ZNF827: variants seen among roughly 807,000 people sequenced by gnomAD.
ZNF827 encodes zinc finger protein 827.
A neutral mutation model predicts 102.4 loss-of-function variants in ZNF827; 13 were observed. That is an observed-to-expected ratio of 0.13 (90% CI 0.08 to 0.20). The LOEUF is 0.20. ZNF827 is among the 10% of genes least tolerant of loss of function. The pLI is 1.00. For missense variants in ZNF827, 1,103 were observed against 1,344.4 expected, an observed-to-expected ratio of 0.82 and a Z score of 2.81; for synonymous variants, 523 against 536.2, an observed-to-expected ratio of 0.98 and a Z score of 0.34.
intron 7 of ZNF827, among the ~76,000 whole-genome samples, chr4:145,835,469 C>G (rs1175630140): frequency 1.3e-5 from 2 of 150,008 alleles, no homozygotes; most frequent in African/African-American, 5.0e-5. Flanking sequence ...TTTAAGCACT[C>G]CTTTTTAGTT....
chr4:145,930,427 C>T (rs1244050823), intron 1 of ZNF827, among the ~76,000 whole-genome samples: 3 of 152,108 alleles, frequency 2.0e-5, no homozygotes, highest in Non-Finnish European at 4.4e-5. Flanking sequence ...ACCACTTTTC[C>T]GACCCATGTA....
At chr4:145,936,916 G>T (rs973337197) in intron 1 of ZNF827, among the ~76,000 whole-genome samples, 6 of 151,914 alleles carry the variant, frequency 3.9e-5, no homozygotes, top group Admixed American at 3.3e-4. Context: ...GGAGTAGTGT[G>T]GGGGGAGAGA....
intron 8 of ZNF827, among the ~76,000 whole-genome samples, chr4:145,780,192 AAAACAAAC>A (rs143206937): frequency 2.7e-4 from 41 of 151,250 alleles, no homozygotes; most frequent in East Asian, 1.2e-3. Context: ...CGCTGTCTCA[AAAACAAAC>A]AAACAAACAA....
At position 145,823,475 on chromosome 4, in the gene ZNF827, G is replaced by A. The variant is rs748136404; in HGVS notation, c.2330C>T (p.Ser777Leu). 4 of 1,594,776 alleles carry A rather than the reference G, an allele frequency of 2.5e-6. No homozygotes were observed. The highest frequency in any genetic ancestry group is 3.4e-6 in the Non-Finnish European group (4 of 1,168,546). ...TFRQSPFTSN[S>L]KELLPSDSVL... ...GGAGTCACTGGGCAGCAGTTCTTTT[G>A]AATTGGAGGTGAATGGTGATTGTCT... The change falls in exon 8 of 15, where the codon TCA becomes TTA. Residue 777 changes from serine (S) to leucine (L), a missense_variant. Ser to Leu is a moderately radical substitution (Grantham distance 145). This residue lies in a region of ZNF827 where 243 missense variants were observed against 251.6 expected (regional missense o/e 0.97). Coordinates refer to ENST00000508784, the MANE Select transcript of ZNF827 (RefSeq NM_001306215.2).
At chr4:145,912,428 T>C (rs948887925) in intron 1 of ZNF827, among the ~76,000 whole-genome samples, 1 of 152,228 alleles carries the variant, frequency 6.6e-6, no homozygotes, top group African/African-American at 2.4e-5. Context: ...TAAACTGAGA[T>C]AAAAATCACC....
Position 145,774,514 on chromosome 4 carries a change from T to C in ZNF827, c.2852A>G (p.Lys951Arg), listed in dbSNP as rs373425855. The C allele has an allele frequency of 4.3e-6, 7 of 1,610,496 alleles. No homozygotes were observed. Among genetic ancestry groups the C allele is most frequent in the South Asian group, 1.1e-5 (1 of 90,108 alleles). Reference protein sequence around the residue: ...EAEIKTHIGTKHTGEDRKTPS... With the variant: ...EAEIKTHIGTRHTGEDRKTPS... ...CAGACAGGAATGGTCACCTGTGTGCTTGGTGCCAATGTGAGTCTTTATCTC... is the reference window on the plus strand; with the variant it reads ...CAGACAGGAATGGTCACCTGTGTGCCTGGTGCCAATGTGAGTCTTTATCTC... Residue 951 changes from lysine (K) to arginine (R), a missense_variant, in exon 11 of 15, where the codon AAG (lysine) becomes AGG (arginine). By Grantham distance (26) the Lys-to-Arg change is conservative. Transcript: ENST00000508784.
chr4:145,811,536 G>A (rs557265825), intron 8 of ZNF827, among the ~76,000 whole-genome samples: 1 of 152,322 alleles, frequency 6.6e-6, no homozygotes, highest in South Asian at 2.1e-4. Context: ...TGTGCAGCTT[G>A]ACAGCTGTAG....
chr4:145,838,094 T>A (rs1745054894), intron 7 of ZNF827, among the ~76,000 whole-genome samples: 1 of 152,228 alleles, frequency 6.6e-6, no homozygotes, highest in African/African-American at 2.4e-5. Flanking sequence ...TCACATCCCC[T>A]GTGACTTGCA....
At chr4:145,781,465 T>G (rs1738047478) in intron 8 of ZNF827, among the ~76,000 whole-genome samples, 1 of 152,150 alleles carries the variant, frequency 6.6e-6, no homozygotes, top group Non-Finnish European at 1.5e-5. Context: ...TGCAATAATG[T>G]TCGCTGTGAG....
Position 145,849,438 on chromosome 4 carries a change from C to T in ZNF827, c.2105G>A (p.Arg702Gln), listed in dbSNP as rs775752510. 2.8e-5 allele frequency: 45 copies of T among 1,614,026 alleles called. No homozygotes were observed. The highest frequency in any genetic ancestry group is 9.9e-5 in the South Asian group (9 of 91,080). Residue 702 changes from arginine (R) to glutamine (Q), a missense_variant, in exon 6 of 15, where the codon CGA becomes CAA. By Grantham distance (43) the Arg-to-Gln change is conservative. Around this residue, in one of 5 missense-constraint regions of ZNF827, gnomAD observed 243 missense variants for 251.6 expected, o/e 0.97. Transcript: ENST00000508784. ...RNVGYSTLIGREKTEPLQKMP... is the reference protein window; with the variant it reads ...RNVGYSTLIGQEKTEPLQKMP... ...CTTCTGTAAGGGTTCGGTTTTCTCT[C>T]GCCCGATTAAAGTGCTGTAGCCAAC...
At chr4:145,803,764 A>G (rs931550636) in intron 8 of ZNF827, among the ~76,000 whole-genome samples, 1 of 152,212 alleles carries the variant, frequency 6.6e-6, no homozygotes, top group Non-Finnish European at 1.5e-5. Flanking sequence ...ATGATTTCCC[A>G]AAGGCCAATC....
Position 145,845,821 on chromosome 4 carries a change from T to C in ZNF827, c.2279+135A>G, listed in dbSNP as rs1560990802. On this transcript the variant is annotated intron_variant, in intron 7 of 14. Coordinates refer to ENST00000508784, the MANE Select transcript of ZNF827 (RefSeq NM_001306215.2). ...GTTTCTACCAACCAAGAAATTCTGG[T>C]AGAACATGGTGGTAAAGGGTGTGAC... 2.9e-5 allele frequency: 23 copies of C among 793,722 alleles called. No homozygotes were observed. The South Asian group carries it at 3.5e-4, about 12-fold the overall frequency. The allele number at this position is 793,722 out of a possible 1,614,324, so 49.2% of individuals were successfully genotyped here.
chr4:145,868,624 G>A (rs753318957), intron 5 of ZNF827, among the ~76,000 whole-genome samples: 47 of 152,280 alleles, frequency 3.1e-4, no homozygotes, highest in Non-Finnish European at 6.3e-4. Flanking sequence ...CCACACTTGT[G>A]TCTCAAATCT....
At chr4:145,812,346 AC>A (rs1285010503) in intron 8 of ZNF827, among the ~76,000 whole-genome samples, 1 of 151,996 alleles carries the variant, frequency 6.6e-6, no homozygotes, top group Non-Finnish European at 1.5e-5. Context: ...CTCACATCAA[AC>A]CATCTAAAGT....
chr4:145,810,991 C>T (rs1043921458), intron 8 of ZNF827, among the ~76,000 whole-genome samples: 7 of 138,780 alleles, frequency 5.0e-5, no homozygotes, highest in Non-Finnish European at 6.2e-5. Flanking sequence ...GAACTCATTT[C>T]GCTTTTTTTT....
At chr4:145,867,233 T>C (rs191199762) in intron 5 of ZNF827, among the ~76,000 whole-genome samples, 34 of 152,274 alleles carry the variant, frequency 2.2e-4, no homozygotes, top group Non-Finnish European at 4.7e-4. Flanking sequence ...AATTAACAAC[T>C]GGAAATAGAA....
At chr4:145,802,740 T>G (rs968684279) in intron 8 of ZNF827, among the ~76,000 whole-genome samples, 11 of 152,194 alleles carry the variant, frequency 7.2e-5, no homozygotes, top group Non-Finnish European at 4.4e-5. Flanking sequence ...GGAGAATAGC[T>G]TGAGCCCAGG....
chr4:145,817,849 C>T (rs1187085014), intron 8 of ZNF827, among the ~76,000 whole-genome samples: 1 of 152,260 alleles, frequency 6.6e-6, no homozygotes, highest in East Asian at 1.9e-4. Flanking sequence ...CAGATCATCA[C>T]TAAACTCAGC....
intron 3 of ZNF827, among the ~76,000 whole-genome samples, chr4:145,887,817 G>A (rs981069272): frequency 2.6e-5 from 4 of 152,168 alleles, no homozygotes; most frequent in Admixed American, 6.5e-5. Context: ...GACCCTGACC[G>A]GTGCTGCCAA....
Sources: allele counts gnomAD v4.1 joint callset (sites outside exome capture counted in the v4.1 genomes callset), GRCh38; gene constraint gnomAD v4.1.1; regional missense constraint gnomAD v4.1.1; transcripts MANE v1.5; gene names NCBI Gene and HGNC (gene_info 2026-07-23, HGNC 2026-07-21).